Variants in DNAJC11 observed in about 807,000 individuals in gnomAD.
DNAJC11 encodes dnaJ homolog subfamily C member 11.
Under a neutral mutation model 78.6 loss-of-function variants are expected in DNAJC11, and 15 were observed. The observed-to-expected ratio is 0.19, with a 90% CI of 0.13 to 0.29. The LOEUF (loss-of-function observed/expected upper bound fraction) is 0.29, where lower values mean the gene tolerates loss of function less well. Ranked by LOEUF, DNAJC11 falls within the 10% of genes least tolerant of loss-of-function variation. DNAJC11 has a pLI of 1.00. For missense variants in DNAJC11, 547 were observed against 709.6 expected, an observed-to-expected ratio of 0.77 and a Z score of 2.60; for synonymous variants, 292 against 272.1, an observed-to-expected ratio of 1.07 and a Z score of -0.72.
chr1:6,634,651 G>A lies in DNAJC11; in HGVS notation c.*1024C>T. 7.3e-7 allele frequency: 1 copy of A among 1,366,476 alleles called. No homozygotes were observed. The highest frequency in any genetic ancestry group is 9.8e-7 in the Non-Finnish European group (1 of 1,021,840). 84.6% of individuals were successfully genotyped at this position (1,366,476 alleles called of 1,614,324 possible). ...GCAGCCGAGGTCCAGGCCGTGGAGG[G>A]GGTCCTAGCTCCGCTGCATTCTGCA... On this transcript the variant is annotated 3_prime_UTR_variant, in exon 16 of 16. Coordinates refer to ENST00000377577, the MANE Select transcript of DNAJC11 (RefSeq NM_018198.4).
intron 7 of DNAJC11, chr1:6,650,954 G>A (rs1642045547): frequency 2.2e-6 from 1 of 445,098 alleles, no homozygotes; most frequent in East Asian, 6.2e-5. Flanking sequence ...CTGGAAGAAA[G>A]AGGTATTATT....
chr1:6,634,755 A>G lies in DNAJC11; in HGVS notation c.*920T>C, dbSNP rs371781066. 394 of 1,343,322 alleles carry G rather than the reference A, an allele frequency of 2.9e-4. 1 individual carries two copies. The highest frequency in any genetic ancestry group is 3.7e-4 in the Admixed American group (18 of 48,920). The allele number at this position is 1,343,322 out of a possible 1,614,324, so 83.2% of individuals were successfully genotyped here. On this transcript the variant is annotated 3_prime_UTR_variant, in exon 16 of 16. Coordinates refer to ENST00000377577, the MANE Select transcript of DNAJC11 (RefSeq NM_018198.4). ...CCTGGTGTTCCTGTGAGGACGCTGG[A>G]CCTGCAGGAGCGGGGAGCTGCAGTG...
chr1:6,644,592 C>T lies in DNAJC11; in HGVS notation c.1063G>A (p.Val355Ile), dbSNP rs140142120. 1.6e-5 allele frequency: 26 copies of T among 1,614,096 alleles called. No homozygotes were observed. The highest frequency in any genetic ancestry group is 6.7e-5 in the East Asian group (3 of 44,892). The change falls in exon 10 of 16, where the codon GTT becomes ATT. Residue 355 changes from valine to isoleucine, a missense_variant. Val to Ile is a conservative substitution (Grantham distance 29). Transcript: ENST00000377577. ...AGAGAAACACCCTGTGGAACTCCAACGCTGACAGCTGCACCCAAAACGCTG... is the reference window on the plus strand; with the variant it reads ...AGAGAAACACCCTGTGGAACTCCAATGCTGACAGCTGCACCCAAAACGCTG... ...RHSVLGAAVSVGVPQGVSLKV... is the reference protein window; with the variant it reads ...RHSVLGAAVSIGVPQGVSLKV...
Position 6,637,409 on chromosome 1 carries a change from G to A in DNAJC11, c.1381+38C>T, listed in dbSNP as rs767726774. 3 of 1,614,040 alleles carry A rather than the reference G, an allele frequency of 1.9e-6. No homozygotes were observed. The African/African-American group carries it at 4.0e-5, about 22-fold the overall frequency. On this transcript the variant is annotated intron_variant, in intron 13 of 15. Coordinates refer to ENST00000377577, the MANE Select transcript of DNAJC11 (RefSeq NM_018198.4). ...TCCTTGTGTGGCTTAGAGACCCCCA[G>A]CGCCCACCCTGGACCAAGAGAGGAC...
chr1:6,637,030 T>C (rs1160957196), intron 14 of DNAJC11, among the ~76,000 whole-genome samples, 168 bp downstream of exon 14: 1 of 152,130 alleles, frequency 6.6e-6, no homozygotes, highest in Non-Finnish European at 1.5e-5. Flanking sequence ...TTCTCTTTTT[T>C]GTAGAGATAG....
At chr1:6,655,959 G>A (rs913452339) in intron 4 of DNAJC11, among the ~76,000 whole-genome samples, 8 of 150,722 alleles carry the variant, frequency 5.3e-5, no homozygotes, top group African/African-American at 1.5e-4. Context: ...AAAATTAGCC[G>A]GGCGTGGTGG....
chr1:6,693,114 T>C (rs1381925002), intron 1 of DNAJC11, among the ~76,000 whole-genome samples: 3 of 151,320 alleles, frequency 2.0e-5, no homozygotes, highest in African/African-American at 7.3e-5. Flanking sequence ...GGTTTCGCCA[T>C]GTTAATAAGG....
At chr1:6,636,068 G>C (rs199546254) in intron 15 of DNAJC11, 49 bp downstream of exon 15, 2 of 1,581,650 alleles carry the variant, frequency 1.3e-6, no homozygotes, top group East Asian at 2.2e-5. Flanking sequence ...CAGCCGCTTC[G>C]AGGTCCCCGC....
In DNAJC11 at chr1:6,635,773, A is replaced by G. The variant is rs112609264; in HGVS notation, c.1655-73T>C. 4 of 1,569,492 alleles carry G rather than the reference A, an allele frequency of 2.5e-6. No individual in the cohort carries two copies. The African/African-American group carries it at 4.1e-5, about 16-fold the overall frequency. ...ATGCACCTTTCTACTGATGGGGCTC[A>G]GCAGTCACCCGGACCAGCAGCTGGC... is the stretch of plus-strand genomic sequence containing the variant. On this transcript the variant is annotated intron_variant, in intron 15 of 15. Coordinates refer to ENST00000377577, the MANE Select transcript of DNAJC11 (RefSeq NM_018198.4).
At chr1:6,700,757 G>C (rs1642911848) in intron 1 of DNAJC11, among the ~76,000 whole-genome samples, 1 of 152,152 alleles carries the variant, frequency 6.6e-6, no homozygotes, top group African/African-American at 2.4e-5. Flanking sequence ...AACACACACT[G>C]AACCCGCTTT....
intron 3 of DNAJC11, among the ~76,000 whole-genome samples, chr1:6,677,158 C>CAAAAAAAAAAAAAA (rs1181692411): frequency 2.0e-5 from 1 of 49,480 alleles, no homozygotes; most frequent in African/African-American, 8.0e-5. Context: ...AACTTGGTCT[C>CAAAAAAAAAAAAAA]AAAAAAAAAA....
chr1:6,644,807 G>T, intron 9 of DNAJC11, 133 bp from the exon 10 acceptor site: 3 of 841,272 alleles, frequency 3.6e-6, no homozygotes, highest in Non-Finnish European at 5.8e-6. Flanking sequence ...GCAGATTCAT[G>T]ACAGAAGAAA....
chr1:6,638,241 G>A, intron 12 of DNAJC11, 54 bp downstream of exon 12: 1 of 1,562,420 alleles, frequency 6.4e-7, no homozygotes, highest in Non-Finnish European at 8.8e-7. Flanking sequence ...AACATGTGGG[G>A]TGTGGAGTGT....
At position 6,635,525 on chromosome 1, in the gene DNAJC11, A is replaced by C; in HGVS notation, c.*150T>G. ...CACCCTCAAAAGCTGGGGTGTCTGC[A>C]TGTCCCTTCACATAATTGATAATGG... On this transcript the variant is annotated 3_prime_UTR_variant, in exon 16 of 16. Transcript: ENST00000377577. The C allele has an allele frequency of 2.3e-6, 2 of 852,944 alleles. No individual in the cohort carries two copies. The highest frequency in any genetic ancestry group is 3.6e-6 in the Non-Finnish European group (2 of 552,466). The allele number at this position is 852,944 out of a possible 1,614,324, so 52.8% of individuals were successfully genotyped here. A position where few individuals can be genotyped will look rare whatever the true frequency, so the allele number is the denominator to read the frequency against.
intron 4 of DNAJC11, among the ~76,000 whole-genome samples, chr1:6,659,569 G>A (rs1642177519): frequency 6.6e-6 from 1 of 151,872 alleles, no homozygotes; most frequent in Non-Finnish European, 1.5e-5. Flanking sequence ...AGACCAGCCT[G>A]GCCAATATAG....
chr1:6,639,536 T>C (rs931166819), intron 11 of DNAJC11, among the ~76,000 whole-genome samples: 2 of 151,930 alleles, frequency 1.3e-5, no homozygotes, highest in Admixed American at 1.3e-4. Context: ...TTCACCATGT[T>C]GGCCAGACTG....
chr1:6,682,563 G>A (rs1642570879), intron 1 of DNAJC11, among the ~76,000 whole-genome samples: 3 of 152,310 alleles, frequency 2.0e-5, no homozygotes, highest in Admixed American at 2.0e-4. Context: ...AGCTTCATCT[G>A]AGGAGTAGGT....
At chr1:6,660,169 T>C (rs1051411802) in intron 4 of DNAJC11, among the ~76,000 whole-genome samples, 2 of 150,468 alleles carry the variant, frequency 1.3e-5, no homozygotes, top group African/African-American at 4.9e-5. Context: ...TAATTTTTTT[T>C]TTTTTGAGAC....
chr1:6,635,599 GTTTT>G lies in DNAJC11; in HGVS notation c.*72_*75del. 3 of 1,492,624 alleles carry G rather than the reference GTTTT, an allele frequency of 2.0e-6. No homozygotes were observed. Among genetic ancestry groups the G allele is most frequent in the Non-Finnish European group, 2.8e-6 (3 of 1,079,248 alleles). 92.5% of individuals were successfully genotyped at this position (1,492,624 alleles called of 1,614,324 possible). A position where few individuals can be genotyped will look rare whatever the true frequency, so the allele number is the denominator to read the frequency against. ...TAAAATAAAAACATCTGATGTCTGG[GTTTT>G]TTCATTTCCAAATTTGTAGACTCCC... On this transcript the variant is annotated 3_prime_UTR_variant, in exon 16 of 16. Coordinates refer to ENST00000377577, the MANE Select transcript of DNAJC11 (RefSeq NM_018198.4).
Sources: allele counts gnomAD v4.1 joint callset (sites outside exome capture counted in the v4.1 genomes callset), GRCh38; gene constraint gnomAD v4.1.1; transcripts MANE v1.5; gene names NCBI Gene and HGNC (gene_info 2026-07-23, HGNC 2026-07-21).